LRFN5: variants seen among roughly 807,000 people sequenced by gnomAD.
The protein encoded by LRFN5 is leucine rich repeat and fibronectin type III domain containing 5.
Under a neutral mutation model 45.6 loss-of-function variants are expected in LRFN5, and 24 were observed. The observed-to-expected ratio is 0.53, with a 90% confidence interval of 0.38 to 0.74. The LOEUF is 0.74. Among genes scored for constraint, LRFN5 ranks in the 30% least tolerant of loss-of-function variants. The pLI, the probability that LRFN5 is intolerant of heterozygous loss-of-function variation, is 0.00. For missense variants in LRFN5, 776 were observed against 861.5 expected (o/e 0.90, Z 1.24); for synonymous variants, 340 against 313.8 (o/e 1.08, Z -0.88).
intron 1 of LRFN5, among the ~76,000 whole-genome samples, chr14:41,615,737 C>T (rs1055753259): frequency 6.6e-6 from 1 of 152,058 alleles, no homozygotes; most frequent in African/African-American, 2.4e-5. Context: ...TCTTGCTGAT[C>T]CTGGACAAGG....
At position 41,823,209 on chromosome 14, in the gene LRFN5, G is replaced by A. The variant is rs541627688; in HGVS notation, c.-21+56180G>A. ...TACCTAGTTGTTTTGTACTGTATACGTGTATGTGCTATATAAGACCTGTGA... is the reference window on the plus strand; with the variant it reads ...TACCTAGTTGTTTTGTACTGTATACATGTATGTGCTATATAAGACCTGTGA... On this transcript the variant is annotated intron_variant, in intron 2 of 5. Coordinates refer to ENST00000298119, the MANE Select transcript of LRFN5 (RefSeq NM_152447.5). 6.6e-5 allele frequency among the ~76,000 whole-genome samples: 10 copies of A among 152,038 alleles called. No homozygotes were observed. The East Asian group carries it at 7.7e-4, about 12-fold the overall frequency.
intron 1 of LRFN5, among the ~76,000 whole-genome samples, chr14:41,675,000 C>T (rs1224996318): frequency 7.0e-6 from 1 of 143,476 alleles, no homozygotes; most frequent in Non-Finnish European, 1.5e-5. Context: ...ACATCTCAGA[C>T]GATGGGCGGC....
chr14:41,722,001 C>T (rs10144980), intron 1 of LRFN5, among the ~76,000 whole-genome samples: 53,302 of 151,770 alleles, frequency 0.35, 9,903 homozygotes, highest in African/African-American at 0.48. Context: ...CCAAAAATGC[C>T]GATAATTTGT....
chr14:41,884,489 G>A (rs1005832620), intron 2 of LRFN5, among the ~76,000 whole-genome samples: 8 of 152,100 alleles, frequency 5.3e-5, no homozygotes, highest in Non-Finnish European at 1.0e-4. Context: ...TCAAGAGGCG[G>A]AAGAAGAGAC....
chr14:41,865,313 G>A (rs1037003894), intron 2 of LRFN5, among the ~76,000 whole-genome samples: 14 of 151,904 alleles, frequency 9.2e-5, no homozygotes, highest in Admixed American at 4.6e-4. Context: ...CATATAAATG[G>A]AATTGTATTA....
intron 1 of LRFN5, among the ~76,000 whole-genome samples, chr14:41,716,428 C>A (rs1883498596): frequency 6.6e-6 from 1 of 152,162 alleles, no homozygotes; most frequent in South Asian, 2.1e-4. Flanking sequence ...CACAAGTCAC[C>A]TCTTCAGTGC....
At chr14:41,895,909 AC>A (rs1057428822) in intron 4 of LRFN5, among the ~76,000 whole-genome samples, 80 of 152,256 alleles carry the variant, frequency 5.3e-4, no homozygotes, top group African/African-American at 1.8e-3. Context: ...AAATTTATAA[AC>A]AATTAAAAAA....
chr14:41,766,067 T>G lies in LRFN5; in HGVS notation c.-196-787T>G, dbSNP rs1473268890. 2.0e-5 allele frequency among the ~76,000 whole-genome samples: 3 copies of G among 152,150 alleles called. No individual in the cohort carries two copies. The East Asian group carries it at 5.8e-4, about 29-fold the overall frequency. ...GAATTTCATTATTTCTCACTTTCGCTTCTTCAGACAAAATAAGTTATAGTT... is the reference window on the plus strand; with the variant it reads ...GAATTTCATTATTTCTCACTTTCGCGTCTTCAGACAAAATAAGTTATAGTT... On this transcript the variant is annotated intron_variant, in intron 1 of 5. Transcript: ENST00000298119.
At chr14:41,822,681 A>G (rs926694315) in intron 2 of LRFN5, among the ~76,000 whole-genome samples, 1 of 152,040 alleles carries the variant, frequency 6.6e-6, no homozygotes, top group Non-Finnish European at 1.5e-5. Flanking sequence ...CATCCAATTT[A>G]AGTACTCTGT....
intron 3 of LRFN5, among the ~76,000 whole-genome samples, chr14:41,890,569 T>A (rs1005554938): frequency 1.1e-4 from 16 of 151,526 alleles, no homozygotes; most frequent in African/African-American, 3.9e-4. Context: ...TAGCCGGGCG[T>A]GGTGGCGGGC....
intron 2 of LRFN5, among the ~76,000 whole-genome samples, chr14:41,769,017 A>C (rs1885986799): frequency 6.6e-6 from 1 of 151,848 alleles, no homozygotes; most frequent in Non-Finnish European, 1.5e-5. Context: ...GTAGTACCTC[A>C]TGTTCTCTAT....
At chr14:41,903,017 A>G (rs1250580534) in intron 5 of LRFN5, among the ~76,000 whole-genome samples, 2 of 151,714 alleles carry the variant, frequency 1.3e-5, no homozygotes, top group Admixed American at 6.6e-5. Flanking sequence ...CTTTTTAAAA[A>G]GTAATTCTTT....
At chr14:41,829,906 A>G (rs1204520523) in intron 2 of LRFN5, among the ~76,000 whole-genome samples, 1 of 150,954 alleles carries the variant, frequency 6.6e-6, no homozygotes, top group Admixed American at 6.6e-5. Context: ...GTTCATCTAT[A>G]TTTTGTTCAT....
chr14:41,665,647 T>C (rs1880861366), intron 1 of LRFN5, among the ~76,000 whole-genome samples: 2 of 152,130 alleles, frequency 1.3e-5, no homozygotes, highest in South Asian at 2.1e-4. Context: ...TAGGTTTGTG[T>C]CTCTTACTGC....
At chr14:41,744,001 A>T (rs972853236) in intron 1 of LRFN5, among the ~76,000 whole-genome samples, 2 of 152,258 alleles carry the variant, frequency 1.3e-5, no homozygotes, top group Non-Finnish European at 1.5e-5. Flanking sequence ...TAATTGGAGG[A>T]TGTTAAATTC....
intron 2 of LRFN5, among the ~76,000 whole-genome samples, chr14:41,846,600 C>A (rs1270325429): frequency 6.6e-6 from 1 of 152,054 alleles, no homozygotes; most frequent in Non-Finnish European, 1.5e-5. Flanking sequence ...AGTTATATAA[C>A]TATGTTTATG....
chr14:41,805,037 T>C (rs1397809903), intron 2 of LRFN5, among the ~76,000 whole-genome samples: 3 of 151,966 alleles, frequency 2.0e-5, no homozygotes, highest in African/African-American at 7.2e-5. Flanking sequence ...GAATGAAAAA[T>C]CAATGTGAAT....
At chr14:41,659,551 C>T (rs1880538729) in intron 1 of LRFN5, among the ~76,000 whole-genome samples, 1 of 152,010 alleles carries the variant, frequency 6.6e-6, no homozygotes, top group African/African-American at 2.4e-5. Flanking sequence ...ATTTATAATC[C>T]TTTGGGTATA....
intron 2 of LRFN5, among the ~76,000 whole-genome samples, chr14:41,838,191 C>G (rs1449938891): frequency 1.3e-5 from 2 of 152,166 alleles, no homozygotes; most frequent in African/African-American, 4.8e-5. Flanking sequence ...ACTAAGACTA[C>G]ATCCATATTG....
Sources: allele counts gnomAD v4.1 joint callset (sites outside exome capture counted in the v4.1 genomes callset), GRCh38; gene constraint gnomAD v4.1.1; transcripts MANE v1.5; gene names NCBI Gene and HGNC (gene_info 2026-07-23, HGNC 2026-07-21).